Variants in REEP1 observed in about 807,000 individuals in gnomAD.
The protein encoded by REEP1 is receptor expression-enhancing protein 1.
In REEP1, 22 loss-of-function variants were observed where a neutral mutation model predicts 40.3. That is an observed-to-expected ratio of 0.55 (90% CI 0.39 to 0.78). The LOEUF (loss-of-function observed/expected upper bound fraction) is 0.78. Ranked by LOEUF, REEP1 falls within the 30% of genes least tolerant of loss-of-function variation. The probability of loss-of-function intolerance (pLI) is 0.00; values close to 1 mark genes in which losing one functional copy is unlikely to be tolerated. For synonymous variants in REEP1, 116 were observed against 139.2 expected (o/e 0.83, Z 1.17); for missense variants, 280 against 361.1 (o/e 0.78, Z 1.82).
chr2:86,269,711 T>C (rs1677332022), intron 2 of REEP1, among the ~76,000 whole-genome samples: 1 of 152,182 alleles, frequency 6.6e-6, no homozygotes, highest in East Asian at 1.9e-4. Flanking sequence ...ATGATGGTAA[T>C]AGGTGGTCAG....
intron 5 of REEP1, among the ~76,000 whole-genome samples, chr2:86,248,705 C>G (rs1676102257): frequency 6.6e-6 from 1 of 152,294 alleles, no homozygotes; most frequent in South Asian, 2.1e-4. Flanking sequence ...CCACCTCGGC[C>G]TCCCAAAGTG....
intron 2 of REEP1, among the ~76,000 whole-genome samples, chr2:86,275,401 G>A (rs769478706): frequency 3.0e-4 from 45 of 152,178 alleles, no homozygotes; most frequent in Non-Finnish European, 5.9e-4. Flanking sequence ...GATTACAGAG[G>A]GACTGCCCTT....
intron 1 of REEP1, among the ~76,000 whole-genome samples, chr2:86,323,911 A>G (rs1397022051): frequency 6.6e-6 from 1 of 152,228 alleles, no homozygotes; most frequent in Non-Finnish European, 1.5e-5. Context: ...CTGAAGAGAA[A>G]GCATAAACTT....
At chr2:86,296,099 G>A (rs747105812) in intron 1 of REEP1, among the ~76,000 whole-genome samples, 2 of 152,132 alleles carry the variant, frequency 1.3e-5, no homozygotes, top group Non-Finnish European at 2.9e-5. Flanking sequence ...AATCATAGGT[G>A]ACCATAAGGG....
chr2:86,269,297 T>C lies in REEP1; in HGVS notation c.106-5256A>G, dbSNP rs113838578. Reference sequence around the variant, plus strand: ...AGTCAACTGAGGTATTTAAACTAAATTTGTTGTAATTTTGCCTTTGACCCT... The same window carrying C: ...AGTCAACTGAGGTATTTAAACTAAACTTGTTGTAATTTTGCCTTTGACCCT... On this transcript the variant is annotated intron_variant, in intron 2 of 8. Transcript: ENST00000538924. Among the ~76,000 whole-genome samples the C allele has an allele frequency of 7.7e-3, 1,167 of 152,286 alleles. 10 individuals carry two copies. The highest frequency in any genetic ancestry group is 0.013 in the Non-Finnish European group (886 of 68,014).
intron 7 of REEP1, among the ~76,000 whole-genome samples, chr2:86,225,743 A>G (rs894467238): frequency 6.6e-6 from 1 of 152,216 alleles, no homozygotes. Context: ...AGCAAAAGCT[A>G]TATTAGGCAC....
At chr2:86,289,496 T>C (rs1678581567) in intron 1 of REEP1, among the ~76,000 whole-genome samples, 1 of 152,198 alleles carries the variant, frequency 6.6e-6, no homozygotes, top group Non-Finnish European at 1.5e-5. Context: ...TATTAGAAAT[T>C]TCAATGTAGA....
chr2:86,328,992 C>CCCGGCATCCTGGAAGAAT (rs1680637494), intron 1 of REEP1, among the ~76,000 whole-genome samples: 1 of 152,170 alleles, frequency 6.6e-6, no homozygotes, highest in African/African-American at 2.4e-5. Context: ...CCAGGAAGAA[C>CCCGGCATCCTGGAAGAAT]CCGGCATCCT....
At chr2:86,303,825 A>G (rs1163881912) in intron 1 of REEP1, among the ~76,000 whole-genome samples, 2 of 152,150 alleles carry the variant, frequency 1.3e-5, no homozygotes, top group African/African-American at 4.8e-5. Context: ...ATGAGAGAGC[A>G]TGGTGGGTTT....
At position 86,222,217 on chromosome 2, in the gene REEP1, T is replaced by C. The variant is rs1005745539; in HGVS notation, c.632-2096A>G. 8.5e-5 allele frequency among the ~76,000 whole-genome samples: 13 copies of C among 152,194 alleles called. 1 individual carries two copies. Among genetic ancestry groups the C allele is most frequent in the Admixed American group, 6.5e-4 (10 of 15,278 alleles). ...ACTGAAACCAAAATGGCTTTGTGCA[T>C]GTTCTCCACTGCAAGGATTGCAGGG... is the stretch of plus-strand genomic sequence containing the variant. On this transcript the variant is annotated intron_variant, in intron 7 of 8. Coordinates refer to ENST00000538924, the MANE Select transcript of REEP1 (RefSeq NM_001371279.1).
intron 1 of REEP1, among the ~76,000 whole-genome samples, chr2:86,323,247 G>A (rs141521000): frequency 5.1e-4 from 78 of 152,312 alleles, no homozygotes; most frequent in African/African-American, 1.8e-3. Flanking sequence ...CTATTGTTTC[G>A]TACATTAAAT....
intron 1 of REEP1, among the ~76,000 whole-genome samples, chr2:86,314,259 A>T (rs1679891743): frequency 6.6e-6 from 1 of 152,182 alleles, no homozygotes; most frequent in African/African-American, 2.4e-5. Context: ...AGCAGCTTGG[A>T]TGCCTGGCTG....
chr2:86,315,594 G>A (rs1189957758), intron 1 of REEP1, among the ~76,000 whole-genome samples: 3 of 152,314 alleles, frequency 2.0e-5, no homozygotes, highest in African/African-American at 7.2e-5. Flanking sequence ...AGTGAATAAA[G>A]AACGGCATGG....
At chr2:86,222,303 C>CA (rs1205393790) in intron 7 of REEP1, among the ~76,000 whole-genome samples, 2 of 152,112 alleles carry the variant, frequency 1.3e-5, no homozygotes, top group Non-Finnish European at 2.9e-5. Context: ...CCCAGATATC[C>CA]AAGCAGGAAT....
At chr2:86,288,943 T>C (rs1292907174) in intron 1 of REEP1, among the ~76,000 whole-genome samples, 1 of 152,230 alleles carries the variant, frequency 6.6e-6, no homozygotes, top group Non-Finnish European at 1.5e-5. Context: ...TTAGTTTATC[T>C]TGTTCTTAGT....
At chr2:86,253,583 G>A (rs1041679182) in intron 4 of REEP1, among the ~76,000 whole-genome samples, 9 of 152,176 alleles carry the variant, frequency 5.9e-5, no homozygotes, top group Non-Finnish European at 1.0e-4. Flanking sequence ...GGCAGCTTCA[G>A]GGGAAGCCCA....
intron 1 of REEP1, among the ~76,000 whole-genome samples, chr2:86,291,372 G>A (rs540552088): frequency 2.3e-4 from 35 of 152,256 alleles, no homozygotes; most frequent in African/African-American, 7.5e-4. Flanking sequence ...TCACATAAAC[G>A]AGGTTCTCTC....
chr2:86,237,606 T>G (rs1213904567), intron 5 of REEP1, among the ~76,000 whole-genome samples: 1 of 152,180 alleles, frequency 6.6e-6, no homozygotes, highest in Non-Finnish European at 1.5e-5. Flanking sequence ...CACTGCAACC[T>G]CTGCCTCCCA....
intron 1 of REEP1, among the ~76,000 whole-genome samples, chr2:86,326,999 T>G (rs987549105): frequency 1.3e-5 from 2 of 152,234 alleles, no homozygotes; most frequent in African/African-American, 2.4e-5. Context: ...CTAGTGATTT[T>G]GACAGATCAC....
Sources: allele counts gnomAD v4.1 joint callset (sites outside exome capture counted in the v4.1 genomes callset), GRCh38; gene constraint gnomAD v4.1.1; transcripts MANE v1.5; gene names NCBI Gene and HGNC (gene_info 2026-07-23, HGNC 2026-07-21).